SAMD3: variants seen among roughly 807,000 people sequenced by gnomAD.
SAMD3 encodes the protein sterile alpha motif domain containing 3, also known as sterile alpha motif domain-containing protein 3.
A neutral mutation model predicts 58.5 loss-of-function variants in SAMD3; 63 were observed. The observed-to-expected ratio is 1.08, with a 90% CI of 0.88 to 1.33. SAMD3 has a LOEUF of 1.33. SAMD3 is among the 40% of genes most tolerant of loss of function. The probability of loss-of-function intolerance (pLI) is 0.00; values close to 1 mark genes in which losing one functional copy is unlikely to be tolerated. For missense variants in SAMD3, 604 were observed against 608.4 expected, an observed-to-expected ratio of 0.99 and a Z score of 0.08; for synonymous variants, 220 against 210.3, an observed-to-expected ratio of 1.05 and a Z score of -0.40.
chr6:130,147,248 T>C (rs569496620), intron 9 of SAMD3, among the ~76,000 whole-genome samples: 1 of 152,330 alleles, frequency 6.6e-6, no homozygotes, highest in South Asian at 2.1e-4. Context: ...CTGGGCCTCA[T>C]TGTTCCTTGA....
At chr6:130,334,128 C>T (rs771869782) in intron 1 of SAMD3, among the ~76,000 whole-genome samples, 2 of 152,158 alleles carry the variant, frequency 1.3e-5, no homozygotes, top group Non-Finnish European at 2.9e-5. Context: ...TTAAAAAAAA[C>T]TAAGAATATT....
rs1562452834 is a variant in SAMD3 at position 130,211,275 on chromosome 6, A to ATTTTTTT, written c.270-1668_270-1667insAAAAAAA. ...ATTCTTTCAATCAATTGCCAATCAG[A>ATTTTTTT]ATTTTTTTTTTTTTTTTTTTTTTTC... On this transcript the variant is annotated intron_variant, in intron 4 of 11. Transcript: ENST00000439090. 4.5e-5 allele frequency among the ~76,000 whole-genome samples: 6 copies of ATTTTTTT among 134,314 alleles called. 3 individuals are homozygous for ATTTTTTT. The highest frequency in any genetic ancestry group is 5.5e-5 in the African/African-American group (2 of 36,060). The allele number at this position is 134,314 out of a possible 152,430, so 88.1% of individuals were successfully genotyped here.
At chr6:130,203,475 T>A (rs1794819287) in intron 5 of SAMD3, among the ~76,000 whole-genome samples, 1 of 152,194 alleles carries the variant, frequency 6.6e-6, no homozygotes, top group Admixed American at 6.5e-5. Context: ...CTAATACATA[T>A]ACTTACTGCT....
intron 2 of SAMD3, among the ~76,000 whole-genome samples, chr6:130,276,209 C>G (rs1260985993): frequency 6.6e-6 from 1 of 152,006 alleles, no homozygotes; most frequent in Admixed American, 6.6e-5. Context: ...CAGATTCTCC[C>G]CTAGAATCTA....
intron 8 of SAMD3, among the ~76,000 whole-genome samples, chr6:130,156,795 G>A (rs1168463451): frequency 6.6e-6 from 1 of 152,074 alleles, no homozygotes; most frequent in Non-Finnish European, 1.5e-5. Context: ...ACATAGCAAG[G>A]CTCTATCTCT....
intron 7 of SAMD3, chr6:130,183,376 C>A: frequency 6.6e-6 from 3 of 453,984 alleles, no homozygotes; most frequent in Non-Finnish European, 1.3e-5. Flanking sequence ...GAACTGCTGC[C>A]CCAGAGCATC....
chr6:130,328,429 G>T (rs554205453), intron 1 of SAMD3, among the ~76,000 whole-genome samples: 2 of 152,268 alleles, frequency 1.3e-5, no homozygotes, highest in East Asian at 3.9e-4. Context: ...GGGTTAAGAT[G>T]CTACCACTTA....
At chr6:130,195,895 C>T (rs1794059994) in intron 5 of SAMD3, among the ~76,000 whole-genome samples, 1 of 152,140 alleles carries the variant, frequency 6.6e-6, no homozygotes, top group African/African-American at 2.4e-5. Context: ...CCTGGTTTTG[C>T]CATCCTAACA....
intron 1 of SAMD3, among the ~76,000 whole-genome samples, chr6:130,360,031 T>G (rs947470446): frequency 2.0e-5 from 3 of 152,188 alleles, no homozygotes; most frequent in Non-Finnish European, 4.4e-5. Flanking sequence ...AACTAAAAAT[T>G]GAAGGAGTGG....
intron 5 of SAMD3, among the ~76,000 whole-genome samples, chr6:130,192,584 A>T (rs1448933147): frequency 1.3e-5 from 2 of 151,726 alleles, no homozygotes; most frequent in Non-Finnish European, 2.9e-5. Flanking sequence ...ATCCTATAAA[A>T]TGGCCCCACC....
At chr6:130,215,625 C>A in intron 2 of SAMD3, 1 of 1,386,504 alleles carries the variant, frequency 7.2e-7, no homozygotes, top group Non-Finnish European at 9.3e-7. Context: ...CCATTAACAC[C>A]CAGGTTTCTT....
At chr6:130,147,653 C>T (rs574655221) in intron 9 of SAMD3, among the ~76,000 whole-genome samples, 1 of 152,278 alleles carries the variant, frequency 6.6e-6, no homozygotes, top group African/African-American at 2.4e-5. Context: ...TGTGTATTTC[C>T]TAAGTACAAG....
chr6:130,337,319 C>T (rs961736285), intron 1 of SAMD3, among the ~76,000 whole-genome samples: 11 of 152,216 alleles, frequency 7.2e-5, no homozygotes, highest in Non-Finnish European at 2.9e-5. Flanking sequence ...GCTTCCCCTT[C>T]CACCATGATT....
chr6:130,261,387 C>T (rs1478432216), intron 2 of SAMD3, among the ~76,000 whole-genome samples: 1 of 151,796 alleles, frequency 6.6e-6, no homozygotes, highest in Non-Finnish European at 1.5e-5. Flanking sequence ...GGGAACTTGC[C>T]TACTCCATTT....
chr6:130,339,649 C>G (rs1777211549), intron 1 of SAMD3, among the ~76,000 whole-genome samples: 1 of 152,196 alleles, frequency 6.6e-6, no homozygotes, highest in Non-Finnish European at 1.5e-5. Context: ...GTTATCCAGT[C>G]TAGGGCAGTT....
chr6:130,209,552 A>C lies in SAMD3; in HGVS notation c.326T>G (p.Phe109Cys). 6.2e-7 allele frequency: 1 copy of C among 1,614,080 alleles called. No individual in the cohort carries two copies. The highest frequency in any genetic ancestry group is 8.5e-7 in the Non-Finnish European group (1 of 1,179,928). Residue 109 changes from phenylalanine to cysteine, a missense_variant, in exon 5 of 12, where the codon TTC (phenylalanine) becomes TGC (cysteine). Transcript: ENST00000439090. ...ATTATCAAGGTTTTCAGCTGGATAG[A>C]AAGATGGCATCTGCTCCCCATGCCT... is the stretch of plus-strand genomic sequence containing the variant. ...PARHGEQMPSFYPAENLDNGL... is the reference protein window; with the variant it reads ...PARHGEQMPSCYPAENLDNGL...
chr6:130,296,298 AGGAGCT>A (rs574342435), intron 2 of SAMD3, among the ~76,000 whole-genome samples: 1,538 of 152,286 alleles, frequency 0.01, 17 homozygotes, highest in Non-Finnish European at 0.015. Flanking sequence ...GCCTATGGGA[AGGAGCT>A]GGGGTACAAA....
rs188364733 is a variant in SAMD3 at position 130,281,394 on chromosome 6, A to G, written c.-188+31584T>C. On this transcript the variant is annotated intron_variant, in intron 2 of 13. Transcript: ENST00000368134. ...AGATGTGCACCACTGGGGATGTTAAATTAGGGTTAGAGGTGCACCATTGCC... is the reference window on the plus strand; with the variant it reads ...AGATGTGCACCACTGGGGATGTTAAGTTAGGGTTAGAGGTGCACCATTGCC... Among the ~76,000 whole-genome samples the G allele has an allele frequency of 9.7e-4, 147 of 152,278 alleles. 1 individual carries two copies. Among genetic ancestry groups the G allele is most frequent in the Admixed American group, 2.7e-3 (42 of 15,288 alleles).
chr6:130,354,679 A>G (rs916989016), intron 1 of SAMD3, among the ~76,000 whole-genome samples: 1 of 152,164 alleles, frequency 6.6e-6, no homozygotes, highest in Non-Finnish European at 1.5e-5. Flanking sequence ...AAGGGAGAGG[A>G]TTAAAAAAAT....
Sources: gnomAD v4.1 joint callset for allele counts (sites outside exome capture counted in the v4.1 genomes callset) on GRCh38, gnomAD v4.1.1 for gene constraint, MANE v1.5 for transcripts, NCBI Gene and HGNC (gene_info 2026-07-23, HGNC 2026-07-21) for gene names.